The following COL12A1 variants were observed in gnomAD, a reference collection of about 807,000 sequenced individuals.
COL12A1 encodes collagen type XII alpha 1 chain.
COL12A1 carries 114 observed loss-of-function variants against 349.7 expected under a neutral mutation model. The observed-to-expected ratio is 0.33, with a 90% CI of 0.28 to 0.38. The LOEUF (loss-of-function observed/expected upper bound fraction) is 0.38, where lower values mean the gene tolerates loss of function less well. Among genes scored for constraint, COL12A1 ranks in the 10% least tolerant of loss-of-function variants. The pLI is 1.00. For missense variants in COL12A1, 3,284 were observed against 3,756.9 expected, an observed-to-expected ratio of 0.87 and a Z score of 3.29; for synonymous variants, 1,369 against 1,329.0, an observed-to-expected ratio of 1.03 and a Z score of -0.66.
intron 26 of COL12A1, 145 bp downstream of exon 26, chr6:75,143,107 C>A: frequency 1.1e-6 from 1 of 887,176 alleles, no homozygotes; most frequent in Non-Finnish European, 1.7e-6. Context: ...TCAAAAACTG[C>A]TTTATTAATA....
intron 2 of COL12A1, among the ~76,000 whole-genome samples, chr6:75,200,378 G>C (rs1770466212): frequency 6.6e-6 from 1 of 152,108 alleles, no homozygotes; most frequent in Non-Finnish European, 1.5e-5. Flanking sequence ...TTCGAGACCA[G>C]CCTGGCCAAC....
intron 13 of COL12A1, among the ~76,000 whole-genome samples, chr6:75,174,468 C>A (rs760042525): frequency 9.2e-5 from 14 of 152,116 alleles, no homozygotes; most frequent in South Asian, 6.2e-4. Flanking sequence ...AGGCAGGAGA[C>A]TGGCGTGAAC....
chr6:75,131,057 T>C (rs989564509), intron 35 of COL12A1, 76 bp from the exon 36 acceptor site: 10 of 1,570,738 alleles, frequency 6.4e-6, no homozygotes, highest in Non-Finnish European at 8.7e-6. Flanking sequence ...GTCATCACAA[T>C]AGTATTTATA....
chr6:75,096,165 T>C (rs1055114237), intron 59 of COL12A1, among the ~76,000 whole-genome samples: 5 of 152,184 alleles, frequency 3.3e-5, no homozygotes, highest in African/African-American at 9.6e-5. Flanking sequence ...CTGGCCAATA[T>C]GTCATGTTCT....
chr6:75,143,206 AC>A, intron 26 of COL12A1, 45 bp downstream of exon 26: 1 of 1,607,072 alleles, frequency 6.2e-7, no homozygotes, highest in Non-Finnish European at 8.5e-7. Flanking sequence ...TTTTAAACCT[AC>A]TAGGAAAACA....
Position 75,138,973 on chromosome 6 carries a change from A to G in COL12A1, c.4958-12T>C. 6.2e-7 allele frequency: 1 copy of G among 1,612,772 alleles called. No individual in the cohort carries two copies. Among genetic ancestry groups the G allele is most frequent in the Non-Finnish European group, 8.5e-7 (1 of 1,179,618 alleles). On this transcript the variant is annotated splice_polypyrimidine_tract_variant and intron_variant, in intron 27 of 65. Transcript: ENST00000322507. The stretch of plus-strand genomic sequence containing the variant: ...GGCTGGCACGGGTCCTATCATGAGA[A>G]AAGGCAAGCAGACTAAGTTTTTGAA...
Position 75,178,454 on chromosome 6 carries a change from A to G in COL12A1, c.2165-519T>C, listed in dbSNP as rs566577723. Reference sequence around the variant, plus strand: ...ATTTGACTTGGAGAATAATTCAACCATACACAGGATGGAACAAGCACAGAA... The same window carrying G: ...ATTTGACTTGGAGAATAATTCAACCGTACACAGGATGGAACAAGCACAGAA... On this transcript the variant is annotated intron_variant, in intron 11 of 65. Coordinates refer to ENST00000322507, the MANE Select transcript of COL12A1 (RefSeq NM_004370.6). Among the ~76,000 whole-genome samples, 33 of 152,316 alleles carry G rather than the reference A, an allele frequency of 2.2e-4. 1 individual carries two copies. In the South Asian group the frequency reaches 6.6e-3, roughly 31 times the overall value.
rs41269311 is a variant in COL12A1, at chr6:75,165,800, G to A, written c.2711-21C>T. ...ACGTTCTAGAACAGAAATTAAAAGG[G>A]AATCTTTTTTAAAAATGTCTAGTAG... On this transcript the variant is annotated intron_variant, in intron 13 of 65. Coordinates refer to ENST00000322507, the MANE Select transcript of COL12A1 (RefSeq NM_004370.6). 34,970 of 1,604,204 alleles carry A rather than the reference G, an allele frequency of 0.022. 463 individuals carry two copies. The highest frequency in any genetic ancestry group is 0.025 in the Non-Finnish European group (28,797 of 1,174,946).
chr6:75,155,292 C>T (rs1487888567), intron 16 of COL12A1, among the ~76,000 whole-genome samples: 1 of 152,056 alleles, frequency 6.6e-6, no homozygotes, highest in African/African-American at 2.4e-5. Context: ...TCAAACCTTG[C>T]CAAAAGGTAC....
intron 11 of COL12A1, 149 bp from the exon 12 acceptor site, chr6:75,178,084 C>A (rs1194475788): frequency 2.8e-6 from 2 of 706,046 alleles, no homozygotes; most frequent in Non-Finnish European, 4.5e-6. Context: ...GGTTTCTGTA[C>A]TCATTTAGCC....
At chr6:75,139,111 G>A (rs1766767911) in intron 27 of COL12A1, 150 bp from the exon 28 acceptor site, 1 of 809,942 alleles carries the variant, frequency 1.2e-6, no homozygotes, top group Admixed American at 2.9e-5. Flanking sequence ...CCAATTCCTA[G>A]AGCTCTGGAA....
At chr6:75,164,997 T>C (rs921087198) in intron 14 of COL12A1, among the ~76,000 whole-genome samples, 3 of 152,106 alleles carry the variant, frequency 2.0e-5, no homozygotes, top group African/African-American at 7.2e-5. Flanking sequence ...ATGATAATCA[T>C]AGTTTCAATA....
intron 26 of COL12A1, among the ~76,000 whole-genome samples, chr6:75,142,733 C>T (rs1766965120): frequency 6.6e-6 from 1 of 152,044 alleles, no homozygotes; most frequent in Non-Finnish European, 1.5e-5. Flanking sequence ...TTCATGAAGC[C>T]CTTCTAATTT....
rs1768932066 is a variant in COL12A1 at position 75,113,407 on chromosome 6, A to T, written c.7841-94T>A. ...TAATTCTTGTTGGAGAGATTTCTTT[A>T]AAAATATAATAATTTCAGTTATGAT... On this transcript the variant is annotated intron_variant, in intron 50 of 65. Transcript: ENST00000322507. 11 of 1,004,020 alleles carry T rather than the reference A, an allele frequency of 1.1e-5. No individual in the cohort carries two copies. The South Asian group carries it at 2.2e-4, about 20-fold the overall frequency. The allele number at this position is 1,004,020 out of a possible 1,614,324, so 62.2% of individuals were successfully genotyped here.
At chr6:75,098,558 C>G (rs1487082505) in intron 58 of COL12A1, among the ~76,000 whole-genome samples, 1 of 152,096 alleles carries the variant, frequency 6.6e-6, no homozygotes, top group Non-Finnish European at 1.5e-5. Flanking sequence ...ACTTGGGAGG[C>G]TAAGGTGGAA....
chr6:75,141,912 C>T, intron 27 of COL12A1, 120 bp downstream of exon 27: 1 of 1,236,042 alleles, frequency 8.1e-7, no homozygotes, highest in Non-Finnish European at 1.1e-6. Flanking sequence ...ATCTATGAAT[C>T]CAAGCATTAT....
intron 14 of COL12A1, among the ~76,000 whole-genome samples, chr6:75,162,447 G>A (rs1768073868): frequency 6.6e-6 from 1 of 152,174 alleles, no homozygotes; most frequent in African/African-American, 2.4e-5. Context: ...TGGGAAAACT[G>A]GCTAGCCATA....
intron 27 of COL12A1, among the ~76,000 whole-genome samples, chr6:75,141,050 T>C (rs1473999469): frequency 6.6e-6 from 1 of 152,240 alleles, no homozygotes; most frequent in Non-Finnish European, 1.5e-5. Context: ...ATAATGGATA[T>C]ATTTGGATAT....
intron 39 of COL12A1, among the ~76,000 whole-genome samples, chr6:75,125,974 A>G (rs1456872071): frequency 6.6e-6 from 1 of 152,182 alleles, no homozygotes; most frequent in Non-Finnish European, 1.5e-5. Context: ...AATAAGCTGC[A>G]TGGAATCTAT....
Sources: gnomAD v4.1 joint callset for allele counts (sites outside exome capture counted in the v4.1 genomes callset) on GRCh38, gnomAD v4.1.1 for gene constraint, MANE v1.5 for transcripts, NCBI Gene and HGNC (gene_info 2026-07-23, HGNC 2026-07-21) for gene names.